RYR3: variants seen among roughly 807,000 people sequenced by gnomAD.
RYR3 encodes the protein ryanodine receptor 3, also known as brain ryanodine receptor-calcium release channel.
Under a neutral mutation model 584.3 loss-of-function variants are expected in RYR3, and 207 were observed. The ratio of observed to expected loss-of-function variants is 0.35; its 90% CI spans 0.32 to 0.40. The LOEUF (loss-of-function observed/expected upper bound fraction) is 0.40. Ranked by LOEUF, RYR3 falls within the 10% of genes least tolerant of loss-of-function variation. The pLI is 1.00. For missense variants in RYR3, 5,616 were observed against 6,089.2 expected, an observed-to-expected ratio of 0.92 and a Z score of 2.59; for synonymous variants, 2,416 against 2,248.5, an observed-to-expected ratio of 1.07 and a Z score of -2.11.
In RYR3 at chr15:33,444,876, G is replaced by A. The variant is rs150100803; in HGVS notation, c.52-28543G>A. 2.0e-4 allele frequency among the ~76,000 whole-genome samples: 31 copies of A among 151,716 alleles called. 1 individual carries two copies. Among genetic ancestry groups the A allele is most frequent in the Middle Eastern group, 3.4e-3 (1 of 294 alleles). On this transcript the variant is annotated intron_variant, in intron 1 of 103. Transcript: ENST00000634891. ...CATATGTAACTAACCTGCACGTTGT[G>A]CACATGTACCCTAAAACTTAAAGTA...
chr15:33,491,947 C>T (rs1158635802), intron 2 of RYR3, among the ~76,000 whole-genome samples: 7 of 152,172 alleles, frequency 4.6e-5, no homozygotes, highest in Non-Finnish European at 1.0e-4. Flanking sequence ...AATAGATCAC[C>T]ACAGTTCAAT....
intron 38 of RYR3, among the ~76,000 whole-genome samples, chr15:33,672,602 C>T (rs2063913558): frequency 6.6e-6 from 1 of 152,110 alleles, no homozygotes; most frequent in Non-Finnish European, 1.5e-5. Flanking sequence ...GTTTAACAAC[C>T]ACCACCCCCA....
rs773469346 is a variant in RYR3, at chr15:33,634,704, A to G, written c.3146A>G (p.Tyr1049Cys). The stretch of plus-strand genomic sequence containing the variant: ...GTGCGCACTTTTGTTGGTTACGGGT[A>G]TAACATTGAGCCATCAGACCAAGAA... Reference protein sequence around the residue: ...EAVRTFVGYGYNIEPSDQELA... With the variant: ...EAVRTFVGYGCNIEPSDQELA... The change falls in exon 25 of 104, where the codon TAT (tyrosine) becomes TGT (cysteine). Residue 1049 changes from tyrosine (Y) to cysteine (C), a missense_variant. Coordinates refer to ENST00000634891, the MANE Select transcript of RYR3 (RefSeq NM_001036.6). 3.7e-6 allele frequency: 6 copies of G among 1,613,970 alleles called. No individual in the cohort carries two copies. In the South Asian group the frequency reaches 4.4e-5, roughly 12 times the overall value.
chr15:33,339,988 A>T (rs1466683078), intron 1 of RYR3, among the ~76,000 whole-genome samples: 1 of 152,042 alleles, frequency 6.6e-6, no homozygotes, highest in Non-Finnish European at 1.5e-5. Flanking sequence ...TGACAGATTG[A>T]GCTTGAGGTG....
At chr15:33,388,344 G>A (rs565000668) in intron 1 of RYR3, among the ~76,000 whole-genome samples, 1 of 152,132 alleles carries the variant, frequency 6.6e-6, no homozygotes, top group African/African-American at 2.4e-5. Flanking sequence ...AAGGGAAGAT[G>A]GTATAGTGGA....
chr15:33,865,183 C>T lies in RYR3; in HGVS notation c.14570C>T (p.Ala4857Val), dbSNP rs373683544. 14 of 1,613,728 alleles carry T rather than the reference C, an allele frequency of 8.7e-6. No homozygotes were observed. The African/African-American group carries it at 1.9e-4, about 22-fold the overall frequency. ...YQERCWDFFP[A>V]GDCFRKQYED... ...GAAAGGTGTTGGGATTTCTTCCCAG[C>T]CGGTGACTGCTTTCGTAAACAATAT... Residue 4857 changes from alanine (A) to valine (V), a missense_variant, in exon 104 of 104, where the codon GCC becomes GTC. By Grantham distance (64) the Ala-to-Val change is moderately conservative. Transcript: ENST00000634891.
chr15:33,853,274 C>G (rs1387280575), intron 95 of RYR3, among the ~76,000 whole-genome samples, 187 bp downstream of exon 95: 2 of 152,224 alleles, frequency 1.3e-5, no homozygotes, highest in Non-Finnish European at 2.9e-5. Flanking sequence ...ATATACTCAT[C>G]TGCCTTAAAC....
chr15:33,608,077 A>G (rs2059995763), intron 18 of RYR3, among the ~76,000 whole-genome samples: 1 of 152,242 alleles, frequency 6.6e-6, no homozygotes, highest in Admixed American at 6.5e-5. Context: ...TAAGTGGTAC[A>G]CAGGACATCA....
intron 86 of RYR3, among the ~76,000 whole-genome samples, chr15:33,832,092 G>A (rs2077713154): frequency 6.6e-6 from 1 of 151,896 alleles, no homozygotes; most frequent in Admixed American, 6.6e-5. Flanking sequence ...TCAGGAGTTC[G>A]AGACCAACCT....
At chr15:33,389,696 A>G (rs971317117) in intron 1 of RYR3, among the ~76,000 whole-genome samples, 1 of 152,240 alleles carries the variant, frequency 6.6e-6, no homozygotes, top group South Asian at 2.1e-4. Context: ...TCATAACCTT[A>G]TAAAATATAT....
At chr15:33,785,412 T>A (rs1025428831) in intron 65 of RYR3, among the ~76,000 whole-genome samples, 2 of 152,206 alleles carry the variant, frequency 1.3e-5, no homozygotes, top group African/African-American at 4.8e-5. Context: ...TTGTGTCTGC[T>A]GTACTCCTTT....
intron 9 of RYR3, among the ~76,000 whole-genome samples, chr15:33,548,704 G>C (rs1012590420): frequency 5.9e-5 from 9 of 152,234 alleles, no homozygotes; most frequent in African/African-American, 2.2e-4. Context: ...TTGTCCCTTG[G>C]TGGAAGGAAC....
chr15:33,607,518 G>A (rs76450823), intron 18 of RYR3, among the ~76,000 whole-genome samples: 1 of 152,098 alleles, frequency 6.6e-6, no homozygotes, highest in African/African-American at 2.4e-5. Flanking sequence ...ACTTGAGGCT[G>A]CTCTTAGAAA....
chr15:33,552,279 CAG>C (rs973758052), intron 10 of RYR3, among the ~76,000 whole-genome samples: 3 of 152,168 alleles, frequency 2.0e-5, no homozygotes, highest in African/African-American at 7.2e-5. Flanking sequence ...AAGGAAAGCT[CAG>C]AGCCCCATAG....
chr15:33,654,541 T>C (rs949823493), intron 32 of RYR3, among the ~76,000 whole-genome samples: 9 of 150,064 alleles, frequency 6.0e-5, no homozygotes, highest in African/African-American at 2.2e-4. Flanking sequence ...TTTTCATGGG[T>C]AGAAGGAGAA....
chr15:33,810,270 CAGA>C (rs1354435774), intron 70 of RYR3, among the ~76,000 whole-genome samples: 2 of 152,196 alleles, frequency 1.3e-5, no homozygotes, highest in African/African-American at 2.4e-5. Context: ...TGTGCATGCG[CAGA>C]AGGAGAAGGC....
chr15:33,755,107 G>T lies in RYR3; in HGVS notation c.8442G>T (p.Lys2814Asn), dbSNP rs2071683490. 6.2e-7 allele frequency: 1 copy of T among 1,613,526 alleles called. No homozygotes were observed. The highest frequency in any genetic ancestry group is 8.5e-7 in the Non-Finnish European group (1 of 1,179,692). Reference protein sequence around the residue: ...DMELDASSMEKRFAYKFLKKI... With the variant: ...DMELDASSMENRFAYKFLKKI... ...AGCTGGATGCCTCCTCCATGGAGAA[G>T]AGGTTTGCCTATAAGTTCTTGAAGA... Residue 2814 changes from lysine to asparagine, a missense_variant, in exon 58 of 104, where the codon AAG (lysine) becomes AAT (asparagine). Physicochemically the swap from Lys to Asn is moderately conservative, Grantham distance 94. Transcript: ENST00000634891.
chr15:33,831,557 A>T (rs1374244108), intron 86 of RYR3, among the ~76,000 whole-genome samples: 1 of 152,212 alleles, frequency 6.6e-6, no homozygotes, highest in Non-Finnish European at 1.5e-5. Context: ...TCAGAAATTA[A>T]CTCTGGAAGA....
chr15:33,661,562 G>A (rs919914056), intron 34 of RYR3, among the ~76,000 whole-genome samples: 1 of 151,970 alleles, frequency 6.6e-6, no homozygotes, highest in African/African-American at 2.4e-5. Flanking sequence ...GCTGGGGGAG[G>A]GGGTAGAGGG....
Sources: allele counts gnomAD v4.1 joint callset (sites outside exome capture counted in the v4.1 genomes callset), GRCh38; gene constraint gnomAD v4.1.1; transcripts MANE v1.5; gene names NCBI Gene and HGNC (gene_info 2026-07-23, HGNC 2026-07-21).